The following KSR2 variants were observed in gnomAD, a reference collection of about 807,000 sequenced individuals.
KSR2 encodes the protein kinase suppressor of ras 2.
In KSR2, 25 loss-of-function variants were observed where a neutral mutation model predicts 107.8. The ratio of observed to expected loss-of-function variants is 0.23; its 90% confidence interval spans 0.17 to 0.32. The LOEUF (loss-of-function observed/expected upper bound fraction) is 0.32, where lower values mean the gene tolerates loss of function less well. KSR2 is among the 10% of genes least tolerant of loss of function. KSR2 has a pLI of 1.00. For missense variants in KSR2, 887 were observed against 1,268.9 expected, an observed-to-expected ratio of 0.70 and a Z score of 4.57; for synonymous variants, 480 against 507.0, an observed-to-expected ratio of 0.95 and a Z score of 0.71.
At chr12:117,960,147 C>T (rs1388023832) in intron 1 of KSR2, among the ~76,000 whole-genome samples, 5 of 152,112 alleles carry the variant, frequency 3.3e-5, no homozygotes, top group African/African-American at 7.2e-5. Context: ...ACACTCTTCC[C>T]CCAAATATTT....
At chr12:117,898,199 G>A (rs1398818478) in intron 1 of KSR2, among the ~76,000 whole-genome samples, 1 of 152,132 alleles carries the variant, frequency 6.6e-6, no homozygotes, top group Non-Finnish European at 1.5e-5. Flanking sequence ...TAAAATAACT[G>A]TCTTGGTACA....
rs1199304423 is a variant in KSR2 at position 117,893,913 on chromosome 12, T to A, written c.181-33482A>T. Among the ~76,000 whole-genome samples, 12 of 150,098 alleles carry A rather than the reference T, an allele frequency of 8.0e-5. No individual in the cohort carries two copies. In the South Asian group the frequency reaches 2.5e-3, roughly 32 times the overall value. ...ATCCACAAAGAACAAAATTCTTTTT[T>A]TTTTTTTTTTTTTTGAGACGGAGTC... On this transcript the variant is annotated intron_variant, in intron 1 of 19. Transcript: ENST00000339824.
intron 9 of KSR2, among the ~76,000 whole-genome samples, chr12:117,545,968 T>C (rs550080297): frequency 1.4e-3 from 218 of 152,270 alleles, no homozygotes; most frequent in African/African-American, 5.1e-3. Flanking sequence ...TAGAACCACA[T>C]CAGAAAGTGT....
chr12:117,923,809 G>C (rs927994527), intron 1 of KSR2, among the ~76,000 whole-genome samples: 6 of 151,696 alleles, frequency 4.0e-5, no homozygotes, highest in Non-Finnish European at 5.9e-5. Context: ...ACAGGGGTGT[G>C]CTGCTTTATT....
chr12:117,705,104 C>T (rs1042720772), intron 4 of KSR2, among the ~76,000 whole-genome samples: 2 of 152,082 alleles, frequency 1.3e-5, no homozygotes, highest in African/African-American at 4.8e-5. Flanking sequence ...GACTTAGAGT[C>T]CATCCTATAA....
rs59605571 is a variant in KSR2, at chr12:117,656,981, G to GATATATATATATAT, written c.1171+10479_1171+10492dup. 3.3e-4 allele frequency among the ~76,000 whole-genome samples: 32 copies of GATATATATATATAT among 98,194 alleles called. 1 individual carries two copies. The highest frequency in any genetic ancestry group is 7.3e-4 in the African/African-American group (17 of 23,138). 64.4% of individuals were successfully genotyped at this position (98,194 alleles called of 152,430 possible). A position where few individuals can be genotyped will look rare whatever the true frequency, so the allele number is the denominator to read the frequency against. ...ATAATAGGATATATATATATAATAG[G>GATATATATATATAT]ATATATATATATATATATATATATA... On this transcript the variant is annotated intron_variant, in intron 5 of 19. Transcript: ENST00000339824.
At chr12:117,876,187 A>G (rs974617567) in intron 1 of KSR2, among the ~76,000 whole-genome samples, 1 of 152,210 alleles carries the variant, frequency 6.6e-6, no homozygotes, top group African/African-American at 2.4e-5. Flanking sequence ...TGCCAGGGCG[A>G]CCATTGTCAT....
intron 1 of KSR2, among the ~76,000 whole-genome samples, chr12:117,877,903 G>A (rs1030619007): frequency 6.6e-6 from 1 of 152,222 alleles, no homozygotes; most frequent in African/African-American, 2.4e-5. Flanking sequence ...AAGGTCCCCA[G>A]ATAGCTCAGA....
At chr12:117,739,898 T>TC (rs1888106958) in intron 4 of KSR2, among the ~76,000 whole-genome samples, 2 of 152,024 alleles carry the variant, frequency 1.3e-5, no homozygotes, top group African/African-American at 4.8e-5. Context: ...CTGTTTTTTT[T>TC]TTTCACTCTT....
At chr12:117,817,547 TAAAG>T (rs1891416884) in intron 3 of KSR2, among the ~76,000 whole-genome samples, 1 of 152,132 alleles carries the variant, frequency 6.6e-6, no homozygotes, top group Non-Finnish European at 1.5e-5. Flanking sequence ...CACCCCTCTT[TAAAG>T]AAAGGACCCT....
chr12:117,531,834 C>T (rs1875658454), intron 10 of KSR2, 127 bp from the exon 11 acceptor site: 1 of 619,908 alleles, frequency 1.6e-6, no homozygotes, highest in Non-Finnish European at 2.7e-6. Flanking sequence ...CATACTTCTG[C>T]AGACATCCCT....
At chr12:117,944,664 T>C (rs1896119482) in intron 1 of KSR2, among the ~76,000 whole-genome samples, 1 of 151,968 alleles carries the variant, frequency 6.6e-6, no homozygotes, top group South Asian at 2.1e-4. Context: ...GAGACCAGCC[T>C]GGGCAACAAA....
At chr12:117,902,288 G>T (rs918469087) in intron 1 of KSR2, among the ~76,000 whole-genome samples, 1 of 151,956 alleles carries the variant, frequency 6.6e-6, no homozygotes, top group Non-Finnish European at 1.5e-5. Context: ...GTGAAACCCC[G>T]TCTCTATAAA....
chr12:117,554,074 T>A (rs816188), intron 9 of KSR2, among the ~76,000 whole-genome samples: 78,076 of 152,012 alleles, frequency 0.51, 20,363 homozygotes, highest in East Asian at 0.62. Context: ...CAAATGGACT[T>A]AGACATCTAC....
chr12:117,857,907 C>G (rs1230665120), intron 2 of KSR2, among the ~76,000 whole-genome samples: 1 of 152,168 alleles, frequency 6.6e-6, no homozygotes. Context: ...AGCAGAAACC[C>G]CACGTCTTCT....
At chr12:117,678,820 C>T (rs1885249590) in intron 4 of KSR2, among the ~76,000 whole-genome samples, 1 of 152,092 alleles carries the variant, frequency 6.6e-6, no homozygotes, top group Non-Finnish European at 1.5e-5. Flanking sequence ...GTCCTGCTCC[C>T]CTTGTACCAG....
At chr12:117,855,327 T>C (rs1406208906) in intron 3 of KSR2, 101 bp downstream of exon 3, 2 of 1,503,004 alleles carry the variant, frequency 1.3e-6, no homozygotes, top group East Asian at 4.6e-5. Flanking sequence ...GGGTTGACTC[T>C]GTCTCGTCCT....
chr12:117,887,902 T>C (rs1292230697), intron 1 of KSR2, among the ~76,000 whole-genome samples: 1 of 152,214 alleles, frequency 6.6e-6, no homozygotes, highest in Non-Finnish European at 1.5e-5. Flanking sequence ...CAACCAGTGA[T>C]TGCAAAGGGA....
At chr12:117,544,913 G>A (rs2137300373) in intron 9 of KSR2, among the ~76,000 whole-genome samples, 1 of 152,268 alleles carries the variant, frequency 6.6e-6, no homozygotes, top group Non-Finnish European at 1.5e-5. Flanking sequence ...GTTCCTAGCT[G>A]TAGAGGAAAA....
Sources: allele counts gnomAD v4.1 joint callset (sites outside exome capture counted in the v4.1 genomes callset), GRCh38; gene constraint gnomAD v4.1.1; transcripts MANE v1.5; gene names NCBI Gene and HGNC (gene_info 2026-07-23, HGNC 2026-07-21).